Variants in EXOC6B observed in about 807,000 individuals in gnomAD.
The protein encoded by EXOC6B is SEC15 homolog B.
EXOC6B carries 54 observed loss-of-function variants against 113.5 expected under a neutral mutation model. That is an observed-to-expected ratio of 0.48 (90% CI 0.38 to 0.60). The LOEUF (loss-of-function observed/expected upper bound fraction) is 0.60, where lower values mean the gene tolerates loss of function less well. EXOC6B is among the 20% of genes least tolerant of loss of function. The probability of loss-of-function intolerance (pLI) is 0.00; values close to 1 mark genes in which losing one functional copy is unlikely to be tolerated. For synonymous variants in EXOC6B, 357 were observed against 339.0 expected (o/e 1.05, Z -0.58); for missense variants, 797 against 977.5 (o/e 0.82, Z 2.46).
At chr2:72,611,516 T>A (rs899999411) in intron 6 of EXOC6B, among the ~76,000 whole-genome samples, 1 of 152,102 alleles carries the variant, frequency 6.6e-6, no homozygotes, top group African/African-American at 2.4e-5. Context: ...GAAAAACTGG[T>A]GAAATACAAA....
intron 6 of EXOC6B, among the ~76,000 whole-genome samples, chr2:72,651,483 A>C (rs1674159751): frequency 6.6e-6 from 1 of 152,222 alleles, no homozygotes; most frequent in Non-Finnish European, 1.5e-5. Flanking sequence ...AGAATAACTA[A>C]TCGATTAGTA....
chr2:72,774,514 C>G (rs545941970), intron 1 of EXOC6B, among the ~76,000 whole-genome samples: 15 of 152,200 alleles, frequency 9.9e-5, no homozygotes, highest in Admixed American at 9.2e-4. Flanking sequence ...ACTAAAAAAA[C>G]TAAATATACA....
chr2:72,549,559 C>T (rs1202832266), intron 8 of EXOC6B, among the ~76,000 whole-genome samples: 1 of 152,042 alleles, frequency 6.6e-6, no homozygotes, highest in East Asian at 1.9e-4. Context: ...TGCAGATGGG[C>T]AGGAGGGGCA....
At chr2:72,811,820 T>C (rs1466123288) in intron 1 of EXOC6B, among the ~76,000 whole-genome samples, 1 of 152,198 alleles carries the variant, frequency 6.6e-6, no homozygotes. Context: ...TATAAAATGA[T>C]GCATTATAAG....
At chr2:72,582,201 T>C (rs1013806776) in intron 6 of EXOC6B, among the ~76,000 whole-genome samples, 4 of 151,946 alleles carry the variant, frequency 2.6e-5, no homozygotes, top group Non-Finnish European at 4.4e-5. Context: ...AATTTAAAAA[T>C]TCTATCCACA....
chr2:72,606,972 C>G (rs1670795370), intron 6 of EXOC6B, among the ~76,000 whole-genome samples: 1 of 152,140 alleles, frequency 6.6e-6, no homozygotes, highest in Admixed American at 6.5e-5. Flanking sequence ...AAATCACCCT[C>G]ATGACTAATG....
intron 20 of EXOC6B, among the ~76,000 whole-genome samples, chr2:72,267,613 A>T (rs1684214878): frequency 1.3e-5 from 2 of 152,118 alleles, no homozygotes; most frequent in South Asian, 4.1e-4. Context: ...AGCCCACTTG[A>T]TCATGGTAGA....
At chr2:72,749,649 G>A (rs1012450707) in intron 1 of EXOC6B, among the ~76,000 whole-genome samples, 18 of 151,904 alleles carry the variant, frequency 1.2e-4, no homozygotes, top group Non-Finnish European at 2.2e-4. Context: ...TTAAGAGACT[G>A]TGTATTAAGT....
At chr2:72,789,967 A>AT (rs1466327319) in intron 1 of EXOC6B, among the ~76,000 whole-genome samples, 2 of 152,074 alleles carry the variant, frequency 1.3e-5, no homozygotes, top group East Asian at 1.9e-4. Context: ...AACTGCTCTG[A>AT]TTTTTTTGCC....
intron 3 of EXOC6B, 87 bp from the exon 4 acceptor site, chr2:72,731,332 A>T: frequency 1.0e-6 from 1 of 1,003,536 alleles, no homozygotes; most frequent in Admixed American, 2.2e-5. Context: ...TGTTCAATTC[A>T]TCAGAAAATC....
chr2:72,554,093 A>G (rs187625233), intron 8 of EXOC6B, among the ~76,000 whole-genome samples: 2 of 152,312 alleles, frequency 1.3e-5, no homozygotes, highest in Admixed American at 6.5e-5. Flanking sequence ...GCAGTGACAG[A>G]CCATTCACAT....
At chr2:72,328,726 A>G (rs1193446398) in intron 20 of EXOC6B, among the ~76,000 whole-genome samples, 1 of 152,022 alleles carries the variant, frequency 6.6e-6, no homozygotes, top group Non-Finnish European at 1.5e-5. Context: ...TGATAATACT[A>G]TATCTTCTTC....
At chr2:72,507,317 T>C (rs149071404) in intron 11 of EXOC6B, among the ~76,000 whole-genome samples, 8 of 152,258 alleles carry the variant, frequency 5.3e-5, no homozygotes, top group African/African-American at 1.7e-4. Context: ...CAACACTCTG[T>C]CTCTTAACGT....
intron 16 of EXOC6B, 40 bp downstream of exon 16, chr2:72,492,278 C>A: frequency 7.9e-7 from 1 of 1,264,266 alleles, no homozygotes; most frequent in South Asian, 1.2e-5. Flanking sequence ...GACATCTGTT[C>A]ACATACTGGC....
At chr2:72,588,959 G>A (rs942950830) in intron 6 of EXOC6B, among the ~76,000 whole-genome samples, 6 of 151,668 alleles carry the variant, frequency 4.0e-5, no homozygotes, top group African/African-American at 1.5e-4. Context: ...CACCAACATG[G>A]GTTAATTGCA....
At chr2:72,246,634 A>C (rs2104527851) in intron 20 of EXOC6B, among the ~76,000 whole-genome samples, 2 of 150,766 alleles carry the variant, frequency 1.3e-5, no homozygotes, top group South Asian at 2.1e-4. Context: ...CATCCTCCCG[A>C]GTAACTAGGA....
intron 2 of EXOC6B, among the ~76,000 whole-genome samples, chr2:72,740,230 C>T (rs1349231448): frequency 2.0e-5 from 3 of 152,110 alleles, no homozygotes; most frequent in East Asian, 1.9e-4. Flanking sequence ...ATTTTTTAAA[C>T]GAATTTTACA....
rs975740082 is a variant in EXOC6B, at chr2:72,625,232, CAT to C, written c.670-49566_670-49565del. 1.4e-4 allele frequency among the ~76,000 whole-genome samples: 21 copies of C among 150,870 alleles called. 2 individuals are homozygous for C. The highest frequency in any genetic ancestry group is 4.1e-4 in the African/African-American group (17 of 41,130). On this transcript the variant is annotated intron_variant, in intron 6 of 21. Coordinates refer to ENST00000272427, the MANE Select transcript of EXOC6B (RefSeq NM_015189.3). ...CACCTAGCCTAGAGAGTTTAAAATA[CAT>C]ATATATATGAATATATATGTATATG...
intron 6 of EXOC6B, among the ~76,000 whole-genome samples, chr2:72,641,329 T>C (rs756652080): frequency 1.4e-4 from 22 of 152,350 alleles, no homozygotes; most frequent in Non-Finnish European, 2.6e-4. Flanking sequence ...CGTGACAGAC[T>C]GTACCTGGAA....
Sources: allele counts gnomAD v4.1 joint callset (sites outside exome capture counted in the v4.1 genomes callset), GRCh38; gene constraint gnomAD v4.1.1; transcripts MANE v1.5; gene names NCBI Gene and HGNC (gene_info 2026-07-23, HGNC 2026-07-21).